Variants in PARD3B observed in about 807,000 individuals in gnomAD.
PARD3B encodes the protein par-3 family cell polarity regulator beta.
Under a neutral mutation model 130.2 loss-of-function variants are expected in PARD3B, and 103 were observed. The ratio of observed to expected loss-of-function variants is 0.79; its 90% confidence interval spans 0.67 to 0.93. PARD3B has a LOEUF of 0.93. Ranked by LOEUF, PARD3B falls within the 40% of genes least tolerant of loss-of-function variation. The pLI is 0.00. For synonymous variants in PARD3B, 583 were observed against 553.2 expected (o/e 1.05, Z -0.76); for missense variants, 1,609 against 1,499.2 (o/e 1.07, Z -1.21).
chr2:204,729,107 C>T (rs1320569288), intron 2 of PARD3B, among the ~76,000 whole-genome samples: 2 of 152,114 alleles, frequency 1.3e-5, no homozygotes, highest in Non-Finnish European at 2.9e-5. Flanking sequence ...TGATGCAAAG[C>T]CTTTGAATAT....
At chr2:205,149,411 A>G (rs937664068) in intron 10 of PARD3B, among the ~76,000 whole-genome samples, 18 of 152,112 alleles carry the variant, frequency 1.2e-4, no homozygotes, top group African/African-American at 3.9e-4. Flanking sequence ...AAAAGGAAAC[A>G]TTTTATATAT....
intron 19 of PARD3B, among the ~76,000 whole-genome samples, chr2:205,428,019 G>T (rs2047202147): frequency 6.6e-6 from 1 of 152,066 alleles, no homozygotes. Flanking sequence ...CTAATCATCA[G>T]CGTGATAGTA....
intron 2 of PARD3B, among the ~76,000 whole-genome samples, chr2:204,805,912 T>G (rs983267806): frequency 6.6e-6 from 1 of 151,806 alleles, no homozygotes; most frequent in African/African-American, 2.4e-5. Flanking sequence ...GGAACATACC[T>G]CAACACAATA....
At chr2:205,539,779 C>T (rs1316786068) in intron 21 of PARD3B, among the ~76,000 whole-genome samples, 3 of 151,744 alleles carry the variant, frequency 2.0e-5, no homozygotes, top group African/African-American at 7.3e-5. Context: ...ACAGAGCAAA[C>T]GTGTTCTGCT....
At chr2:205,408,289 A>G (rs2106040887) in intron 19 of PARD3B, among the ~76,000 whole-genome samples, 1 of 152,262 alleles carries the variant, frequency 6.6e-6, no homozygotes, top group Middle Eastern at 3.4e-3. Context: ...CCCCACATAA[A>G]CGAAATGCAT....
At chr2:204,662,894 C>T (rs1189438972) in intron 1 of PARD3B, among the ~76,000 whole-genome samples, 2 of 152,036 alleles carry the variant, frequency 1.3e-5, no homozygotes, top group Non-Finnish European at 2.9e-5. Context: ...CTTGAGACCC[C>T]CAAGAGTCTG....
chr2:205,541,370 CAG>C (rs2052127444), intron 21 of PARD3B, among the ~76,000 whole-genome samples: 1 of 126,858 alleles, frequency 7.9e-6, no homozygotes, highest in Admixed American at 8.9e-5. Flanking sequence ...TTTTTTGAGA[CAG>C]AGTTTCGCTC....
chr2:204,705,610 T>G (rs1477492136), intron 2 of PARD3B, among the ~76,000 whole-genome samples: 1 of 152,158 alleles, frequency 6.6e-6, no homozygotes, highest in Non-Finnish European at 1.5e-5. Flanking sequence ...ACAAATATAT[T>G]AACTTCTATT....
At chr2:205,005,423 A>G (rs1695179257) in intron 3 of PARD3B, among the ~76,000 whole-genome samples, 1 of 152,158 alleles carries the variant, frequency 6.6e-6, no homozygotes, top group Non-Finnish European at 1.5e-5. Context: ...AAAGGGCACA[A>G]GTTTTCTATT....
intron 2 of PARD3B, among the ~76,000 whole-genome samples, chr2:204,724,940 A>G (rs1389693463): frequency 6.6e-6 from 1 of 152,176 alleles, no homozygotes; most frequent in African/African-American, 2.4e-5. Flanking sequence ...TGCAGTTGTT[A>G]GAATTTGACT....
intron 15 of PARD3B, among the ~76,000 whole-genome samples, chr2:205,206,279 A>G (rs967937996): frequency 2.7e-5 from 4 of 148,206 alleles, no homozygotes; most frequent in Non-Finnish European, 5.9e-5. Flanking sequence ...GGTTAGTTAC[A>G]CATGTATACA....
At chr2:205,612,591 A>G (rs2055274387) in intron 22 of PARD3B, among the ~76,000 whole-genome samples, 1 of 152,180 alleles carries the variant, frequency 6.6e-6, no homozygotes, top group South Asian at 2.1e-4. Flanking sequence ...AAATAAAGAA[A>G]AATTCTTCTA....
At chr2:205,051,950 C>T (rs1051713108) in intron 4 of PARD3B, among the ~76,000 whole-genome samples, 1 of 152,106 alleles carries the variant, frequency 6.6e-6, no homozygotes, top group South Asian at 2.1e-4. Flanking sequence ...TCTTTCAAGA[C>T]AGTATAGCAA....
intron 2 of PARD3B, among the ~76,000 whole-genome samples, chr2:204,828,783 C>T (rs1450220441): frequency 4.6e-5 from 7 of 152,190 alleles, no homozygotes; most frequent in South Asian, 4.1e-4. Flanking sequence ...ATACTAGCCT[C>T]ATCAAAGAGT....
At chr2:205,045,973 G>T (rs1451877357) in intron 3 of PARD3B, among the ~76,000 whole-genome samples, 3 of 152,078 alleles carry the variant, frequency 2.0e-5, no homozygotes, top group Non-Finnish European at 4.4e-5. Flanking sequence ...TCCCATTCAA[G>T]ATTATCAACT....
At chr2:204,813,596 A>T (rs1014704194) in intron 2 of PARD3B, among the ~76,000 whole-genome samples, 1 of 152,034 alleles carries the variant, frequency 6.6e-6, no homozygotes, top group Admixed American at 6.6e-5. Flanking sequence ...GCCTAATCTC[A>T]GTTTGCAAAG....
chr2:205,456,110 G>A (rs1029843501), intron 20 of PARD3B, among the ~76,000 whole-genome samples: 1 of 151,934 alleles, frequency 6.6e-6, no homozygotes, highest in African/African-American at 2.4e-5. Context: ...AAGTTTTGTG[G>A]GTATCACTAG....
At chr2:204,885,951 G>A (rs931687299) in intron 2 of PARD3B, among the ~76,000 whole-genome samples, 16 of 152,200 alleles carry the variant, frequency 1.1e-4, no homozygotes, top group African/African-American at 3.9e-4. Context: ...ACCACAAGGT[G>A]GGCCACTTCT....
intron 1 of PARD3B, among the ~76,000 whole-genome samples, chr2:204,676,793 C>T (rs554084217): frequency 2.0e-5 from 3 of 151,660 alleles, no homozygotes; most frequent in Non-Finnish European, 4.4e-5. Flanking sequence ...CCTCAGCCTC[C>T]TGAGTAGCTG....
Sources: gnomAD v4.1 joint callset for allele counts (sites outside exome capture counted in the v4.1 genomes callset) on GRCh38, gnomAD v4.1.1 for gene constraint, MANE v1.5 for transcripts, NCBI Gene and HGNC (gene_info 2026-07-23, HGNC 2026-07-21) for gene names.